Variants in CDH23 observed in about 807,000 individuals in gnomAD.
CDH23 encodes cadherin-23.
CDH23 carries 189 observed loss-of-function variants against 317.1 expected under a neutral mutation model. That is an observed-to-expected ratio of 0.60 (90% CI 0.53 to 0.67). The LOEUF (loss-of-function observed/expected upper bound fraction) is 0.67. Ranked by LOEUF, CDH23 falls within the 30% of genes least tolerant of loss-of-function variation. CDH23 has a pLI of 0.00. For synonymous variants in CDH23, 1,839 were observed against 1,876.8 expected (o/e 0.98, Z 0.52); for missense variants, 4,401 against 4,592.4 (o/e 0.96, Z 1.20).
In CDH23 at chr10:71,805,788, T is replaced by A; in HGVS notation, c.7873-18T>A. 1.2e-6 allele frequency: 2 copies of A among 1,602,832 alleles called. No homozygotes were observed. The highest frequency in any genetic ancestry group is 1.7e-6 in the Non-Finnish European group (2 of 1,173,456). On this transcript the variant is annotated intron_variant, in intron 55 of 69. Transcript: ENST00000224721. Reference sequence around the variant, plus strand: ...TCTTTCAGGGGTCCAGGAGCCTTCCTCCCCATGCTCCCCACAGGAGATCCC... The same window carrying A: ...TCTTTCAGGGGTCCAGGAGCCTTCCACCCCATGCTCCCCACAGGAGATCCC...
At chr10:71,778,376 C>T (rs775677021) in intron 40 of CDH23, 68 bp downstream of exon 40, 345 of 1,593,884 alleles carry the variant, frequency 2.2e-4, no homozygotes, top group African/African-American at 3.8e-4. Context: ...CAGAAAGCTC[C>T]GATGCGGGAA....
intron 11 of CDH23, among the ~76,000 whole-genome samples, chr10:71,627,595 G>T (rs1254126720): frequency 2.0e-5 from 3 of 152,146 alleles, no homozygotes; most frequent in African/African-American, 7.2e-5. Flanking sequence ...GGGCCTGTGT[G>T]GCAGCCGCGG....
chr10:71,488,390 C>T (rs1852468333), intron 3 of CDH23, among the ~76,000 whole-genome samples: 1 of 152,302 alleles, frequency 6.6e-6, no homozygotes, highest in Admixed American at 6.5e-5. Flanking sequence ...GGGCTACCTG[C>T]CAATCTTGGA....
chr10:71,632,734 T>G (rs1389864847), intron 11 of CDH23, among the ~76,000 whole-genome samples: 1 of 152,128 alleles, frequency 6.6e-6, no homozygotes, highest in East Asian at 1.9e-4. Flanking sequence ...CTGAACACCC[T>G]CCACCACCTT....
At chr10:71,677,252 G>T (rs936827597) in intron 15 of CDH23, among the ~76,000 whole-genome samples, 1 of 152,034 alleles carries the variant, frequency 6.6e-6, no homozygotes, top group Non-Finnish European at 1.5e-5. Context: ...TGCCCACCTC[G>T]TGTGATCCTG....
In CDH23 at chr10:71,436,935, C is replaced by T. The variant is rs928991790; in HGVS notation, c.-5-2892C>T. The stretch of plus-strand genomic sequence containing the variant: ...TTCTCCACTTGTAAATCAGGGATAA[C>T]GCTAGTGCTGCTGGCTAGCTTCTTT... On this transcript the variant is annotated intron_variant, in intron 1 of 69. Transcript: ENST00000224721. 9.2e-5 allele frequency among the ~76,000 whole-genome samples: 14 copies of T among 152,182 alleles called. 1 individual carries two copies. The East Asian group carries it at 1.2e-3, about 13-fold the overall frequency.
Position 71,815,793 on chromosome 10 carries a change from C to A in CDH23, c.*515C>A, listed in dbSNP as rs16929375. Reference sequence around the variant, plus strand: ...GGTGGAGGTGGCATCCCCACGTGGACAAGAAAGTCAATGTCAATGAACAAG... The same window carrying A: ...GGTGGAGGTGGCATCCCCACGTGGAAAAGAAAGTCAATGTCAATGAACAAG... On this transcript the variant is annotated 3_prime_UTR_variant, in exon 70 of 70. Transcript: ENST00000224721. 4.4e-3 allele frequency: 690 copies of A among 156,614 alleles called. 10 individuals are homozygous for A. Among genetic ancestry groups the A allele is most frequent in the Admixed American group, 0.029 (468 of 16,128 alleles). 9.7% of individuals were successfully genotyped at this position (156,614 alleles called of 1,614,324 possible).
At chr10:71,508,204 T>C (rs1372623153) in intron 3 of CDH23, 2 of 152,214 alleles carry the variant, frequency 1.3e-5, no homozygotes, top group African/African-American at 4.8e-5. Context: ...ACCTTGTGTC[T>C]GGCATATCAT....
chr10:71,425,556 G>A (rs1849038665), intron 1 of CDH23, among the ~76,000 whole-genome samples: 1 of 152,210 alleles, frequency 6.6e-6, no homozygotes, highest in Non-Finnish European at 1.5e-5. Flanking sequence ...GCAGGACAGT[G>A]CTACCCCAGC....
intron 6 of CDH23, among the ~76,000 whole-genome samples, chr10:71,546,737 A>G (rs1856304431): frequency 6.6e-6 from 1 of 152,202 alleles, no homozygotes. Flanking sequence ...CAGGCAGTGG[A>G]GGAGCTGGGA....
At chr10:71,663,423 C>A (rs1863759778) in intron 14 of CDH23, among the ~76,000 whole-genome samples, 1 of 152,234 alleles carries the variant, frequency 6.6e-6, no homozygotes, top group African/African-American at 2.4e-5. Flanking sequence ...CCCACCTCTT[C>A]TTCCAGCTGC....
At chr10:71,479,475 C>G (rs934200260) in intron 3 of CDH23, among the ~76,000 whole-genome samples, 15 of 152,092 alleles carry the variant, frequency 9.9e-5, no homozygotes, top group Middle Eastern at 3.2e-3. Context: ...TCTGCAGGAG[C>G]CTTGCAAGGG....
At position 71,803,028 on chromosome 10, in the gene CDH23, A is replaced by G. The variant is rs371064571; in HGVS notation, c.7613A>G (p.Glu2538Gly). 9.9e-6 allele frequency: 16 copies of G among 1,613,864 alleles called. No individual in the cohort carries two copies. The African/African-American group carries it at 2.1e-4, about 22-fold the overall frequency. ...VITMMATDQDEGPNGELTYSL... is the reference protein window; with the variant it reads ...VITMMATDQDGGPNGELTYSL... ...ACCATGATGGCCACTGACCAGGATGAAGGTCCCAATGGAGAGTTGACCTAC... is the reference window on the plus strand; with the variant it reads ...ACCATGATGGCCACTGACCAGGATGGAGGTCCCAATGGAGAGTTGACCTAC... The change falls in exon 54 of 70, where the codon GAA becomes GGA. Residue 2538 changes from glutamate (E) to glycine (G), a missense_variant. Around this residue, in one of 3 missense-constraint regions of CDH23, gnomAD observed 1,144 missense variants for 1,138.2 expected, o/e 1.01. Coordinates refer to ENST00000224721, the MANE Select transcript of CDH23 (RefSeq NM_022124.6).
intron 9 of CDH23, among the ~76,000 whole-genome samples, chr10:71,581,752 T>C (rs1858652467): frequency 6.6e-6 from 1 of 152,130 alleles, no homozygotes; most frequent in African/African-American, 2.4e-5. Flanking sequence ...GTGGCATCAT[T>C]TTCTTGGGGG....
At chr10:71,759,339 C>T (rs1589402411) in intron 38 of CDH23, among the ~76,000 whole-genome samples, 1 of 151,488 alleles carries the variant, frequency 6.6e-6, no homozygotes, top group Admixed American at 6.6e-5. Flanking sequence ...CACCTAACCC[C>T]AAAAATAATT....
At chr10:71,556,758 T>C (rs1856896312) in intron 6 of CDH23, among the ~76,000 whole-genome samples, 1 of 152,240 alleles carries the variant, frequency 6.6e-6, no homozygotes, top group Admixed American at 6.5e-5. Flanking sequence ...TGATTCATTC[T>C]TTACCACTCC....
intron 18 of CDH23, among the ~76,000 whole-genome samples, chr10:71,687,337 G>A (rs751610349): frequency 3.3e-5 from 5 of 152,164 alleles, no homozygotes; most frequent in African/African-American, 1.2e-4. Context: ...GAGGACCAGC[G>A]GGGAGCCTGG....
chr10:71,615,646 G>T, intron 10 of CDH23, 30 bp downstream of exon 10: 1 of 1,506,430 alleles, frequency 6.6e-7, no homozygotes, highest in South Asian at 1.1e-5. Flanking sequence ...CTTCACCCCA[G>T]GTAGAGGAGA....
chr10:71,793,676 G>A lies in CDH23; in HGVS notation c.6712+36G>A, dbSNP rs189615427. The stretch of plus-strand genomic sequence containing the variant: ...CTGCACCCCTCCCACCTCCCTCCCA[G>A]CTCCCAGTCCTGTCTCCTCGCTCCC... On this transcript the variant is annotated intron_variant, in intron 48 of 69. Coordinates refer to ENST00000224721, the MANE Select transcript of CDH23 (RefSeq NM_022124.6). 204 of 1,456,416 alleles carry A rather than the reference G, an allele frequency of 1.4e-4. 1 individual carries two copies. The African/African-American group carries it at 2.6e-3, about 19-fold the overall frequency. The allele number at this position is 1,456,416 out of a possible 1,614,324, so 90.2% of individuals were successfully genotyped here. A position where few individuals can be genotyped will look rare whatever the true frequency, so the allele number is the denominator to read the frequency against.
Sources: allele counts gnomAD v4.1 joint callset (sites outside exome capture counted in the v4.1 genomes callset), GRCh38; gene constraint gnomAD v4.1.1; regional missense constraint gnomAD v4.1.1; transcripts MANE v1.5; gene names NCBI Gene and HGNC (gene_info 2026-07-23, HGNC 2026-07-21).